GAL3ST1: variants seen among roughly 807,000 people sequenced by gnomAD.
GAL3ST1 encodes the protein galactosylceramide sulfotransferase.
A neutral mutation model predicts 25.0 loss-of-function variants in GAL3ST1; 13 were observed. That is an observed-to-expected ratio of 0.52 (90% CI 0.34 to 0.83). GAL3ST1 has a LOEUF of 0.83. GAL3ST1 is among the 40% of genes least tolerant of loss of function. GAL3ST1 has a pLI of 0.02. For synonymous variants in GAL3ST1, 274 were observed against 277.8 expected (o/e 0.99, Z 0.14); for missense variants, 474 against 613.6 (o/e 0.77, Z 2.40).
At position 30,574,162 on chromosome 22, in the gene GAL3ST1, G is replaced by A. The variant is rs568882905; in HGVS notation, c.-120+304C>T. Among the ~76,000 whole-genome samples, 4 of 152,246 alleles carry A rather than the reference G, an allele frequency of 2.6e-5. No homozygotes were observed. The South Asian group carries it at 8.3e-4, about 32-fold the overall frequency. ...TCCCAGCTCCAGCTCAGCCCCAGCA[G>A]CCTGCCTTCTGCCCCACCCATCCCA... is the stretch of plus-strand genomic sequence containing the variant. On this transcript the variant is annotated intron_variant, in intron 1 of 3. Coordinates refer to ENST00000406361, the MANE Select transcript of GAL3ST1 (RefSeq NM_001318104.2).
rs139452633 is a variant in GAL3ST1, at chr22:30,555,221, C to T, written c.1004G>A (p.Arg335His). The change falls in exon 4 of 4, where the codon CGC becomes CAC. Residue 335 changes from arginine (R) to histidine (H), a missense_variant. By Grantham distance (29) the Arg-to-His change is conservative. Around this residue, in one of 2 missense-constraint regions of GAL3ST1, gnomAD observed 359 missense variants for 504.4 expected, o/e 0.71. Coordinates refer to ENST00000406361, the MANE Select transcript of GAL3ST1 (RefSeq NM_001318104.2). This position sits in a 1 kb window ranked among gnomAD's most constrained non-coding sequence, Gnocchi z 8.6. Reference protein sequence around the residue: ...ERMAREVAALRHANERMRTIC... With the variant: ...ERMAREVAALHHANERMRTIC... ...GGTCCGCATGCGCTCGTTGGCATGG[C>T]GCAGGGCGGCCACCTCGCGGGCCAT... 1.5e-3 allele frequency: 2,426 copies of T among 1,598,842 alleles called. 2 individuals are homozygous for T. The highest frequency in any genetic ancestry group is 1.9e-3 in the Non-Finnish European group (2,251 of 1,175,784).
chr22:30,562,081 T>C (rs1195470974), intron 1 of GAL3ST1, among the ~76,000 whole-genome samples: 1 of 152,162 alleles, frequency 6.6e-6, no homozygotes, highest in Non-Finnish European at 1.5e-5. Context: ...GACAGGATCT[T>C]GCTCCATCAC....
At position 30,557,294 on chromosome 22, in the gene GAL3ST1, G is replaced by A. The variant is rs547200013; in HGVS notation, c.99C>T (p.Ala33=). ...TSFLLLVYSY[A]VPPLHAGLAS... The stretch of plus-strand genomic sequence containing the variant: ...CCAGGCCGGCATGCAGCGGGGGCAC[G>A]GCATAGGAGTACACCAGCAGCAGGA... Residue 33 remains alanine, a synonymous_variant, in exon 3 of 4, where the codon GCC becomes GCT. Transcript: ENST00000406361. The A allele has an allele frequency of 1.4e-4, 227 of 1,614,142 alleles. 3 individuals carry two copies. In the South Asian group the frequency reaches 2.3e-3, roughly 17 times the overall value.
chr22:30,561,428 C>T (rs768053424), intron 1 of GAL3ST1, among the ~76,000 whole-genome samples: 11 of 152,164 alleles, frequency 7.2e-5, no homozygotes, highest in Non-Finnish European at 1.5e-4. Flanking sequence ...TCAGTGGATA[C>T]CACTCCACCC....
At chr22:30,570,351 A>G (rs1225910012) in intron 1 of GAL3ST1, among the ~76,000 whole-genome samples, 2 of 152,198 alleles carry the variant, frequency 1.3e-5, no homozygotes, top group Non-Finnish European at 2.9e-5. Flanking sequence ...AGACCCAGCA[A>G]TCCACCTGCA....
rs1406263570 is a variant in GAL3ST1 at position 30,557,256 on chromosome 22, A to G, written c.131+6T>C. The G allele has an allele frequency of 6.2e-6, 10 of 1,613,386 alleles. No homozygotes were observed. The highest frequency in any genetic ancestry group is 8.5e-6 in the Non-Finnish European group (10 of 1,179,714). On this transcript the variant is annotated splice_donor_region_variant and intron_variant, in intron 3 of 3. Coordinates refer to ENST00000406361, the MANE Select transcript of GAL3ST1 (RefSeq NM_001318104.2). The stretch of plus-strand genomic sequence containing the variant: ...CACCCATCATCTGCCCAGCTGGGCC[A>G]CTCACGTGGAGGCCAGGCCGGCATG...
chr22:30,555,071 C>T lies in GAL3ST1; in HGVS notation c.1154G>A (p.Arg385Gln), dbSNP rs767295908. The change falls in exon 4 of 4, where the codon CGG becomes CAG. Residue 385 changes from arginine to glutamine, a missense_variant. By Grantham distance (43) the Arg-to-Gln change is conservative. This residue lies in a region of GAL3ST1 where 359 missense variants were observed against 504.4 expected (regional missense o/e 0.71). Transcript: ENST00000406361. This position sits in a 1 kb window ranked among gnomAD's most constrained non-coding sequence, Gnocchi z 8.6. ...GYNLKKSIGQ[R>Q]HAQLCRRMLT... ...CATGCGCCGGCAGAGCTGCGCGTGC[C>T]GCTGCCCGATGCTCTTCTTGAGGTT... The T allele has an allele frequency of 1.2e-6, 2 of 1,612,696 alleles. No individual in the cohort carries two copies. The highest frequency in any genetic ancestry group is 2.2e-5 in the East Asian group (1 of 44,872).
chr22:30,571,460 A>C (rs1027572108), intron 1 of GAL3ST1, among the ~76,000 whole-genome samples: 1 of 152,136 alleles, frequency 6.6e-6, no homozygotes, highest in African/African-American at 2.4e-5. Flanking sequence ...CCTAGCCTGC[A>C]GGGGTGGATG....
In GAL3ST1 at chr22:30,555,238, G is replaced by A. The variant is rs1285825388; in HGVS notation, c.987C>T (p.Arg329=). The change falls in exon 4 of 4, where the codon CGC becomes CGT. Residue 329 remains arginine (R), a synonymous_variant. Transcript: ENST00000406361. The surrounding 1 kb of genome is among the most constrained non-coding windows in gnomAD (Gnocchi z 8.6). ...TGGCATGGCGCAGGGCGGCCACCTCGCGGGCCATGCGCTCCCGCCCGAAGG... is the reference window on the plus strand; with the variant it reads ...TGGCATGGCGCAGGGCGGCCACCTCACGGGCCATGCGCTCCCGCCCGAAGG... ...VEAFGRERMA[R]EVAALRHANE... is the part of the protein sequence containing the mutation. The A allele has an allele frequency of 6.3e-7, 1 of 1,598,510 alleles. No homozygotes were observed. Among genetic ancestry groups the A allele is most frequent in the Middle Eastern group, 1.7e-4 (1 of 6,038 alleles).
At chr22:30,570,744 C>T (rs1239791222) in intron 1 of GAL3ST1, among the ~76,000 whole-genome samples, 1 of 151,578 alleles carries the variant, frequency 6.6e-6, no homozygotes, top group Non-Finnish European at 1.5e-5. Flanking sequence ...CAATATCGTG[C>T]CATTGCACTC....
At chr22:30,562,431 C>T (rs1309144369) in intron 1 of GAL3ST1, among the ~76,000 whole-genome samples, 1 of 152,170 alleles carries the variant, frequency 6.6e-6, no homozygotes, top group Non-Finnish European at 1.5e-5. Flanking sequence ...CCACCTCCAC[C>T]TCCCAAAGTG....
At chr22:30,566,613 CT>C (rs772493159) in intron 1 of GAL3ST1, among the ~76,000 whole-genome samples, 41 of 148,042 alleles carry the variant, frequency 2.8e-4, no homozygotes, top group South Asian at 8.6e-4. Context: ...ATGATAACAT[CT>C]TTTTTTTTTT....
At chr22:30,573,902 A>G (rs1441155586) in intron 1 of GAL3ST1, among the ~76,000 whole-genome samples, 5 of 151,584 alleles carry the variant, frequency 3.3e-5, no homozygotes, top group African/African-American at 4.9e-5. Context: ...TTCCTATAGG[A>G]CCCCTCCTGG....
intron 1 of GAL3ST1, among the ~76,000 whole-genome samples, chr22:30,564,164 AG>A (rs2086546612): frequency 6.6e-6 from 1 of 152,176 alleles, no homozygotes; most frequent in Admixed American, 6.5e-5. Context: ...TGCATTCCAC[AG>A]GGAAAGCACC....
intron 3 of GAL3ST1, among the ~76,000 whole-genome samples, chr22:30,556,563 C>T (rs547665679): frequency 1.3e-5 from 2 of 152,160 alleles, no homozygotes; most frequent in South Asian, 4.1e-4. Context: ...GAGCCTGGTT[C>T]TCAGGAGCTG....
At chr22:30,557,921 G>C (rs768685233) in intron 2 of GAL3ST1, among the ~76,000 whole-genome samples, 1 of 150,060 alleles carries the variant, frequency 6.7e-6, no homozygotes, top group African/African-American at 2.4e-5. Context: ...ATACCTTTTA[G>C]GGCATCATAA....
intron 1 of GAL3ST1, among the ~76,000 whole-genome samples, chr22:30,573,933 C>G (rs1218500629): frequency 1.3e-5 from 2 of 152,324 alleles, no homozygotes; most frequent in African/African-American, 4.8e-5. Flanking sequence ...TTGTCCCACT[C>G]TCCCAAACCT....
At position 30,554,868 on chromosome 22, in the gene GAL3ST1, G is replaced by T. The variant is rs2085891071; in HGVS notation, c.*85C>A. 1 of 1,126,750 alleles carries T rather than the reference G, an allele frequency of 8.9e-7. No homozygotes were observed. The highest frequency in any genetic ancestry group is 1.2e-6 in the Non-Finnish European group (1 of 816,290). The allele number at this position is 1,126,750 out of a possible 1,614,324, so 69.8% of individuals were successfully genotyped here. ...GGGTCTGAGGTGGCACCAGGAGGGG[G>T]CTGGGGGCGGCCAGCACCAGCGGCG... On this transcript the variant is annotated 3_prime_UTR_variant, in exon 4 of 4. Transcript: ENST00000406361.
Position 30,555,658 on chromosome 22 carries a change from G to A in GAL3ST1, c.567C>T (p.Ala189=). 2 of 1,613,716 alleles carry A rather than the reference G, an allele frequency of 1.2e-6. No homozygotes were observed. Among genetic ancestry groups the A allele is most frequent in the Non-Finnish European group, 8.5e-7 (1 of 1,180,028 alleles). The change falls in exon 4 of 4, where the codon GCC becomes GCT. Residue 189 remains alanine, a synonymous_variant. Transcript: ENST00000406361. This position sits in a 1 kb window ranked among gnomAD's most constrained non-coding sequence, Gnocchi z 8.6. The stretch of plus-strand genomic sequence containing the variant: ...GCAGGAACTCGGTCAGCTTGTCGCC[G>A]GCCGAGAGCTTCCACGTGAGGGGCA... ...PVVPLTWKLS[A]GDKLTEFLQD...
Sources: allele counts gnomAD v4.1 joint callset (sites outside exome capture counted in the v4.1 genomes callset), GRCh38; gene constraint gnomAD v4.1.1; regional missense constraint gnomAD v4.1.1; non-coding constraint Gnocchi (gnomAD v3.1); transcripts MANE v1.5; gene names NCBI Gene and HGNC (gene_info 2026-07-23, HGNC 2026-07-21).